Variants in ZNF804B observed in about 807,000 individuals in gnomAD.
ZNF804B encodes zinc finger protein 804B, also known as zinc finger 804B.
In ZNF804B, 80 loss-of-function variants were observed where a neutral mutation model predicts 101.4. The observed-to-expected ratio is 0.79, with a 90% CI of 0.66 to 0.95. The LOEUF is 0.95. ZNF804B is among the 40% of genes least tolerant of loss of function. The pLI is 0.00. For synonymous variants in ZNF804B, 622 were observed against 558.8 expected (o/e 1.11, Z -1.59); for missense variants, 1,673 against 1,561.9 (o/e 1.07, Z -1.20).
chr7:89,214,177 A>G (rs1459852604), intron 1 of ZNF804B, among the ~76,000 whole-genome samples: 1 of 152,210 alleles, frequency 6.6e-6, no homozygotes, highest in Admixed American at 6.5e-5. Context: ...TGTTTTAAAA[A>G]TGACTCTTGT....
At chr7:88,822,140 TTTC>T (rs1478989423) in intron 1 of ZNF804B, among the ~76,000 whole-genome samples, 3 of 152,152 alleles carry the variant, frequency 2.0e-5, no homozygotes, top group African/African-American at 7.2e-5. Flanking sequence ...TCACAGTGAT[TTTC>T]TTATCAGAGT....
At chr7:88,859,805 T>C (rs767046196) in intron 1 of ZNF804B, among the ~76,000 whole-genome samples, 1 of 151,934 alleles carries the variant, frequency 6.6e-6, no homozygotes, top group Non-Finnish European at 1.5e-5. Context: ...GCTAATATTA[T>C]ATAATAGATA....
chr7:88,855,067 C>T (rs62462056), intron 1 of ZNF804B, among the ~76,000 whole-genome samples: 2 of 151,828 alleles, frequency 1.3e-5, no homozygotes, highest in African/African-American at 4.8e-5. Context: ...ATAAACATAC[C>T]TGTGCATGTG....
intron 1 of ZNF804B, among the ~76,000 whole-genome samples, chr7:88,991,631 G>T (rs1052048394): frequency 2.0e-5 from 3 of 152,146 alleles, no homozygotes; most frequent in Non-Finnish European, 4.4e-5. Flanking sequence ...CTCTGCCTGT[G>T]GGGTAGCCCT....
chr7:88,800,183 G>A (rs1315144812), intron 1 of ZNF804B, among the ~76,000 whole-genome samples: 1 of 151,688 alleles, frequency 6.6e-6, no homozygotes, highest in African/African-American at 2.4e-5. Context: ...AAGCTATTGA[G>A]TAGACAAAAA....
rs369152889 is a variant in ZNF804B, at chr7:89,308,696, G to T, written c.250-18648G>T. On this transcript the variant is annotated intron_variant, in intron 2 of 3. Transcript: ENST00000333190. Reference sequence around the variant, plus strand: ...CATCCTGAACTAACAAGAACAGGGTGTTTCTCTACCCATTGTTGGCAAACA... The same window carrying T: ...CATCCTGAACTAACAAGAACAGGGTTTTTCTCTACCCATTGTTGGCAAACA... 5.3e-5 allele frequency among the ~76,000 whole-genome samples: 8 copies of T among 152,252 alleles called. No homozygotes were observed. In the East Asian group the frequency reaches 1.2e-3, roughly 22 times the overall value.
chr7:89,172,909 A>G (rs1379114658), intron 1 of ZNF804B, among the ~76,000 whole-genome samples: 1 of 152,178 alleles, frequency 6.6e-6, no homozygotes, highest in African/African-American at 2.4e-5. Context: ...TAATAAGTAG[A>G]GCTAATTATA....
rs191773728 is a variant in ZNF804B, at chr7:88,972,400, A to G, written c.108+212316A>G. Among the ~76,000 whole-genome samples the G allele has an allele frequency of 3.1e-3, 462 of 151,448 alleles. 1 individual carries two copies. The highest frequency in any genetic ancestry group is 0.01 in the Middle Eastern group (3 of 294). ...TATAAATCATGTATTTATATGTCAGACTGTCTTCCTAAATGGCCAGCTTTC... is the reference window on the plus strand; with the variant it reads ...TATAAATCATGTATTTATATGTCAGGCTGTCTTCCTAAATGGCCAGCTTTC... On this transcript the variant is annotated intron_variant, in intron 1 of 3. Coordinates refer to ENST00000333190, the MANE Select transcript of ZNF804B (RefSeq NM_181646.5).
At chr7:88,910,318 G>A (rs1792529477) in intron 1 of ZNF804B, among the ~76,000 whole-genome samples, 1 of 151,818 alleles carries the variant, frequency 6.6e-6, no homozygotes, top group African/African-American at 2.4e-5. Flanking sequence ...CAGTATTTCC[G>A]AGAGCCTGAA....
chr7:89,120,583 G>T (rs1242342063), intron 1 of ZNF804B, among the ~76,000 whole-genome samples: 1 of 146,268 alleles, frequency 6.8e-6, no homozygotes. Context: ...GCGTGAACCC[G>T]GGAGGCGGAG....
At chr7:89,094,844 C>T (rs115697308) in intron 1 of ZNF804B, among the ~76,000 whole-genome samples, 1,726 of 152,162 alleles carry the variant, frequency 0.011, 27 homozygotes, top group African/African-American at 0.039. Context: ...GGATTTGATT[C>T]AATTAAAACT....
chr7:89,257,552 CTT>C (rs2085812778), intron 2 of ZNF804B, among the ~76,000 whole-genome samples: 2 of 151,940 alleles, frequency 1.3e-5, no homozygotes, highest in African/African-American at 4.8e-5. Flanking sequence ...AGTCACTACT[CTT>C]TGTATTTAAT....
chr7:89,327,184 T>C (rs1790908708), intron 2 of ZNF804B, among the ~76,000 whole-genome samples, 160 bp from the exon 3 acceptor site: 1 of 150,436 alleles, frequency 6.6e-6, no homozygotes, highest in Admixed American at 6.6e-5. Flanking sequence ...GCTAAATGTG[T>C]CTTGGAGCAG....
chr7:89,048,078 T>G (rs1789140338), intron 1 of ZNF804B, among the ~76,000 whole-genome samples: 2 of 152,126 alleles, frequency 1.3e-5, no homozygotes, highest in African/African-American at 4.8e-5. Flanking sequence ...CTATTCGTAG[T>G]CTTTTATCCC....
chr7:89,072,300 T>C (rs1261061200), intron 1 of ZNF804B, among the ~76,000 whole-genome samples: 1 of 152,200 alleles, frequency 6.6e-6, no homozygotes, highest in Admixed American at 6.5e-5. Flanking sequence ...ATGGTTTGGC[T>C]CACTGCCACT....
chr7:88,818,920 T>TC (rs1790928782), intron 1 of ZNF804B, among the ~76,000 whole-genome samples: 1 of 152,216 alleles, frequency 6.6e-6, no homozygotes, highest in East Asian at 1.9e-4. Context: ...TACTACTATG[T>TC]CCTTTCTTTA....
intron 1 of ZNF804B, among the ~76,000 whole-genome samples, chr7:89,088,870 C>A (rs2116322704): frequency 6.6e-6 from 1 of 151,844 alleles, no homozygotes; most frequent in East Asian, 1.9e-4. Flanking sequence ...AAAGGTGTAG[C>A]AGCTACATAA....
intron 2 of ZNF804B, among the ~76,000 whole-genome samples, chr7:89,302,206 T>G (rs2115924430): frequency 6.6e-6 from 1 of 152,058 alleles, no homozygotes; most frequent in Non-Finnish European, 1.5e-5. Flanking sequence ...TGATAATTTT[T>G]TTTGTCCCAT....
intron 1 of ZNF804B, among the ~76,000 whole-genome samples, chr7:89,156,159 G>A (rs1292500707): frequency 6.6e-6 from 1 of 150,594 alleles, no homozygotes; most frequent in Non-Finnish European, 1.5e-5. Context: ...TGTTGCCCAG[G>A]CTGGAGTGCA....
Sources: allele counts gnomAD v4.1 joint callset (sites outside exome capture counted in the v4.1 genomes callset), GRCh38; gene constraint gnomAD v4.1.1; transcripts MANE v1.5; gene names NCBI Gene and HGNC (gene_info 2026-07-23, HGNC 2026-07-21).